Variants in SLC9A2 observed in about 807,000 individuals in gnomAD.
SLC9A2 encodes the protein solute carrier family 9 member A2.
In SLC9A2, 42 loss-of-function variants were observed where a neutral mutation model predicts 71.7. The observed-to-expected ratio is 0.59, with a 90% confidence interval of 0.46 to 0.76. SLC9A2 has a LOEUF of 0.76. Ranked by LOEUF, SLC9A2 falls within the 30% of genes least tolerant of loss-of-function variation. SLC9A2 has a pLI of 0.00. For synonymous variants in SLC9A2, 396 were observed against 392.5 expected, an observed-to-expected ratio of 1.01 and a Z score of -0.10; for missense variants, 829 against 1,017.4, an observed-to-expected ratio of 0.81 and a Z score of 2.52.
At chr2:102,652,583 T>A (rs1480333309) in intron 1 of SLC9A2, among the ~76,000 whole-genome samples, 1 of 152,210 alleles carries the variant, frequency 6.6e-6, no homozygotes, top group Non-Finnish European at 1.5e-5. Flanking sequence ...ATCTCCTTTT[T>A]AATAGCATTT....
intron 1 of SLC9A2, among the ~76,000 whole-genome samples, chr2:102,644,467 T>C (rs759384677): frequency 2.0e-5 from 3 of 152,086 alleles, no homozygotes; most frequent in Non-Finnish European, 4.4e-5. Context: ...AAGAGAGAAC[T>C]GTTCACTCCC....
At chr2:102,699,845 C>T (rs1677841045) in intron 7 of SLC9A2, among the ~76,000 whole-genome samples, 1 of 152,070 alleles carries the variant, frequency 6.6e-6, no homozygotes, top group Non-Finnish European at 1.5e-5. Flanking sequence ...GCTGTCTTCT[C>T]CCTGCCTCTT....
intron 5 of SLC9A2, among the ~76,000 whole-genome samples, chr2:102,693,234 T>A (rs1024185900): frequency 3.3e-5 from 5 of 152,132 alleles, no homozygotes; most frequent in African/African-American, 9.7e-5. Flanking sequence ...TTATTTCAGG[T>A]TTTTTAGGAC....
At chr2:102,675,429 CA>C (rs1174045745) in intron 3 of SLC9A2, among the ~76,000 whole-genome samples, 1 of 152,124 alleles carries the variant, frequency 6.6e-6, no homozygotes, top group Non-Finnish European at 1.5e-5. Context: ...AATACATAAT[CA>C]GAGTGCTTCC....
At chr2:102,658,092 T>A in intron 2 of SLC9A2, 65 bp downstream of exon 2, 1 of 1,234,922 alleles carries the variant, frequency 8.1e-7, no homozygotes, top group Non-Finnish European at 1.1e-6. Context: ...GCAGTGGCTC[T>A]CTGCACCTCA....
chr2:102,676,821 G>T (rs113191653), intron 3 of SLC9A2, among the ~76,000 whole-genome samples: 14 of 152,310 alleles, frequency 9.2e-5, no homozygotes, highest in Non-Finnish European at 1.9e-4. Context: ...TTTTTAATTG[G>T]TCTTCATCAT....
At chr2:102,695,799 A>ATATATAT (rs1677751798) in intron 7 of SLC9A2, among the ~76,000 whole-genome samples, 1 of 77,072 alleles carries the variant, frequency 1.3e-5, no homozygotes, top group Non-Finnish European at 3.3e-5. Context: ...TTATATATAT[A>ATATATAT]TTATATATAT....
intron 1 of SLC9A2, among the ~76,000 whole-genome samples, chr2:102,638,214 T>C (rs1676507663): frequency 6.6e-6 from 1 of 152,218 alleles, no homozygotes; most frequent in Non-Finnish European, 1.5e-5. Context: ...CATGAAATTT[T>C]GCTTCTTGTC....
chr2:102,706,472 G>GC (rs1677979331), intron 11 of SLC9A2, among the ~76,000 whole-genome samples: 1 of 152,072 alleles, frequency 6.6e-6, no homozygotes, highest in Non-Finnish European at 1.5e-5. Flanking sequence ...TATACCTAAT[G>GC]TAAATGGCGA....
At chr2:102,662,293 G>A (rs1035638096) in intron 2 of SLC9A2, among the ~76,000 whole-genome samples, 3 of 152,230 alleles carry the variant, frequency 2.0e-5, no homozygotes, top group African/African-American at 4.8e-5. Context: ...AGGAATGTGC[G>A]ACCCAGCTGC....
At chr2:102,627,230 T>C (rs962700225) in intron 1 of SLC9A2, among the ~76,000 whole-genome samples, 2 of 152,174 alleles carry the variant, frequency 1.3e-5, no homozygotes, top group African/African-American at 4.8e-5. Context: ...GGAGGATCAC[T>C]TGAGCTCAGG....
At chr2:102,670,384 C>A (rs1558714777) in intron 3 of SLC9A2, among the ~76,000 whole-genome samples, 1 of 151,876 alleles carries the variant, frequency 6.6e-6, no homozygotes, top group Non-Finnish European at 1.5e-5. Flanking sequence ...CTCAAGGGTA[C>A]TGTCTAAGTA....
chr2:102,676,785 CTGGCTTTAATCAA>C (rs1440462320), intron 3 of SLC9A2, among the ~76,000 whole-genome samples: 1 of 152,252 alleles, frequency 6.6e-6, no homozygotes, highest in African/African-American at 2.4e-5. Context: ...ACCACAAGAC[CTGGCTTTAATCAA>C]TACAGAAAAA....
rs529065601 is a variant in SLC9A2, at chr2:102,684,274, C to T, written c.1363C>T (p.Pro455Ser). ...GTTTCTCCTTCCTGCTGCTGTGTTT[C>T]CTCGGAAAAAATTGTTTATTACGGC... ...LVFLLPAAVF[P>S]RKKLFITAAI... Residue 455 changes from proline to serine, a missense_variant, in exon 5 of 12, where the codon CCT becomes TCT. Transcript: ENST00000233969. 1 of 1,614,094 alleles carries T rather than the reference C, an allele frequency of 6.2e-7. No individual in the cohort carries two copies. The highest frequency in any genetic ancestry group is 8.5e-7 in the Non-Finnish European group (1 of 1,180,018).
chr2:102,654,238 G>C (rs1427016791), intron 1 of SLC9A2, among the ~76,000 whole-genome samples: 2 of 136,712 alleles, frequency 1.5e-5, no homozygotes, highest in African/African-American at 5.9e-5. Context: ...TCTCACTCTG[G>C]CTGACTCTTA....
intron 1 of SLC9A2, among the ~76,000 whole-genome samples, chr2:102,627,494 A>AT (rs1676272584): frequency 6.6e-6 from 1 of 152,094 alleles, no homozygotes; most frequent in South Asian, 2.1e-4. Flanking sequence ...GGTAATTTGT[A>AT]TTTTTTATAA....
In SLC9A2 at chr2:102,619,867, T is replaced by C; in HGVS notation, c.19T>C (p.Trp7Arg). 1 of 1,542,606 alleles carries C rather than the reference T, an allele frequency of 6.5e-7. No homozygotes were observed. The highest frequency in any genetic ancestry group is 8.7e-7 in the Non-Finnish European group (1 of 1,142,892). ...GGCACCCATGGAACCACTGGGCAAC[T>C]GGAGGAGCCTGCGGGCGCCACTGCC... Reference protein sequence around the residue: MEPLGNWRSLRAPLPPM... With the variant: MEPLGNRRSLRAPLPPM... Residue 7 changes from tryptophan to arginine, a missense_variant, in exon 1 of 12, where the codon TGG (tryptophan) becomes CGG (arginine). Trp to Arg is a moderately radical substitution (Grantham distance 101). Coordinates refer to ENST00000233969, the MANE Select transcript of SLC9A2 (RefSeq NM_003048.6). This position sits in a 1 kb window ranked among gnomAD's most constrained non-coding sequence, Gnocchi z 4.3.
intron 5 of SLC9A2, chr2:102,689,825 T>C (rs575309141): frequency 6.6e-6 from 1 of 151,968 alleles, no homozygotes; most frequent in East Asian, 1.9e-4. Flanking sequence ...ACCTGGAGAG[T>C]ATTAGGTTTG....
chr2:102,666,434 C>T (rs1208880308), intron 3 of SLC9A2, among the ~76,000 whole-genome samples: 11 of 152,106 alleles, frequency 7.2e-5, no homozygotes, highest in East Asian at 1.9e-4. Flanking sequence ...CCTGACCACG[C>T]GATCCACCCC....
Sources: gnomAD v4.1 joint callset for allele counts (sites outside exome capture counted in the v4.1 genomes callset) on GRCh38, gnomAD v4.1.1 for gene constraint, Gnocchi (gnomAD v3.1) non-coding constraint, MANE v1.5 for transcripts, NCBI Gene and HGNC (gene_info 2026-07-23, HGNC 2026-07-21) for gene names.